CDKL1: variants seen among roughly 807,000 people sequenced by gnomAD.
CDKL1 encodes the protein cyclin dependent kinase like 1.
In CDKL1, 41 loss-of-function variants were observed where a neutral mutation model predicts 42.0. That is an observed-to-expected ratio of 0.98 (90% confidence interval 0.76 to 1.27). The LOEUF is 1.27. CDKL1 is among the 50% of genes most tolerant of loss of function. The pLI, the probability that CDKL1 is intolerant of heterozygous loss-of-function variation, is 0.00. For missense variants in CDKL1, 394 were observed against 428.4 expected (o/e 0.92, Z 0.71); for synonymous variants, 153 against 158.6 (o/e 0.96, Z 0.26).
chr14:50,378,851 A>G (rs1401083298), intron 2 of CDKL1, among the ~76,000 whole-genome samples: 2 of 147,012 alleles, frequency 1.4e-5, no homozygotes, highest in African/African-American at 2.5e-5. Context: ...CTGTCAAGAC[A>G]ATCTTTTTTT....
chr14:50,360,518 T>C (rs929570638), intron 2 of CDKL1, among the ~76,000 whole-genome samples: 4 of 152,116 alleles, frequency 2.6e-5, no homozygotes, highest in Non-Finnish European at 4.4e-5. Context: ...AGTGATTCTC[T>C]TGCCTCAGCT....
intron 2 of CDKL1, among the ~76,000 whole-genome samples, chr14:50,369,069 G>T (rs2034513839): frequency 1.3e-5 from 2 of 151,860 alleles, no homozygotes; most frequent in South Asian, 4.2e-4. Flanking sequence ...GTTTCACCAT[G>T]TTGGCCAGGC....
At chr14:50,344,902 G>T in intron 4 of CDKL1, 84 bp downstream of exon 4, 1 of 1,171,028 alleles carries the variant, frequency 8.5e-7, no homozygotes, top group Non-Finnish European at 1.2e-6. Context: ...TTTACCCACA[G>T]AAGTGTGACA....
intron 2 of CDKL1, among the ~76,000 whole-genome samples, chr14:50,379,694 C>A (rs567690413): frequency 1.3e-5 from 2 of 152,194 alleles, no homozygotes; most frequent in African/African-American, 4.8e-5. Context: ...ACTTGCATTG[C>A]CAGAAGAAAC....
At chr14:50,397,031 C>T (rs1453037943), upstream of CDKL1, 4 of 1,258,608 alleles carry the variant, frequency 3.2e-6, no homozygotes, top group Non-Finnish European at 4.2e-6. Flanking sequence ...CGGAGGGCCG[C>T]CCTCCGTCCA....
At chr14:50,367,789 C>T (rs1002048400) in intron 2 of CDKL1, among the ~76,000 whole-genome samples, 2 of 152,146 alleles carry the variant, frequency 1.3e-5, no homozygotes, top group African/African-American at 4.8e-5. Flanking sequence ...CTTGGTGCTC[C>T]TTACCAGGCC....
intron 2 of CDKL1, among the ~76,000 whole-genome samples, chr14:50,386,878 C>A (rs117829263): frequency 1.3e-5 from 2 of 151,624 alleles, no homozygotes; most frequent in Admixed American, 1.3e-4. Flanking sequence ...AACACAAAAA[C>A]CAGCCAGGTG....
At chr14:50,380,958 T>A (rs10162313) in intron 2 of CDKL1, among the ~76,000 whole-genome samples, 1 of 152,122 alleles carries the variant, frequency 6.6e-6, no homozygotes, top group East Asian at 1.9e-4. Context: ...GGCACCACCA[T>A]GCCCAGCTGT....
intron 8 of CDKL1, chr14:50,332,843 C>T (rs1006063824): frequency 1.9e-6 from 1 of 538,022 alleles, no homozygotes; most frequent in South Asian, 2.6e-5. Flanking sequence ...ACAGTTAATA[C>T]AGCATACAGC....
At position 50,330,038 on chromosome 14, in the gene CDKL1, T is replaced by C. The variant is rs763096694; in HGVS notation, c.*36A>G. 1.6e-5 allele frequency: 25 copies of C among 1,598,044 alleles called. No individual in the cohort carries two copies. The highest frequency in any genetic ancestry group is 5.4e-5 in the African/African-American group (4 of 73,774). ...AGTTTTATTTTCTTCAAAGCATCTA[T>C]TGATTCCTTTTTTAAAATCATGTCT... On this transcript the variant is annotated 3_prime_UTR_variant, in exon 10 of 10. Transcript: ENST00000395834.
At chr14:50,340,942 C>T (rs910605365) in intron 6 of CDKL1, 90 bp downstream of exon 6, 3 of 1,379,148 alleles carry the variant, frequency 2.2e-6, no homozygotes, top group Admixed American at 3.9e-5. Context: ...CCTTAAAGGG[C>T]ATTAGGTGAG....
intron 7 of CDKL1, chr14:50,336,288 A>T: frequency 8.2e-7 from 1 of 1,220,884 alleles, no homozygotes; most frequent in Non-Finnish European, 1.1e-6. Flanking sequence ...TCAACAGGAA[A>T]TCTGCAGGAC....
intron 5 of CDKL1, among the ~76,000 whole-genome samples, chr14:50,341,462 G>C (rs987890930): frequency 1.2e-4 from 17 of 138,250 alleles, no homozygotes; most frequent in East Asian, 4.0e-4. Context: ...GGTCTGGGGG[G>C]GGGGGGGGGG....
chr14:50,354,169 G>T (rs1038427654), intron 3 of CDKL1, among the ~76,000 whole-genome samples: 1 of 152,040 alleles, frequency 6.6e-6, no homozygotes, highest in Non-Finnish European at 1.5e-5. Flanking sequence ...TGGCCAGGCT[G>T]GTCTTGAACT....
chr14:50,331,455 G>A (rs1446269548), intron 9 of CDKL1: 2 of 153,484 alleles, frequency 1.3e-5, no homozygotes, highest in African/African-American at 4.8e-5. Flanking sequence ...GGGCCCTGGA[G>A]TTCATGCTGT....
At chr14:50,335,196 T>C (rs773758553) in intron 7 of CDKL1, among the ~76,000 whole-genome samples, 7 of 145,022 alleles carry the variant, frequency 4.8e-5, no homozygotes, top group Admixed American at 1.5e-4. Flanking sequence ...CTTGGGAGGC[T>C]AAGGCGGGAG....
At chr14:50,393,078 G>T (rs953201567) in intron 2 of CDKL1, among the ~76,000 whole-genome samples, 9 of 152,168 alleles carry the variant, frequency 5.9e-5, no homozygotes, top group African/African-American at 2.2e-4. Flanking sequence ...TCAATATAGG[G>T]TGCTTTCTAC....
intron 2 of CDKL1, among the ~76,000 whole-genome samples, chr14:50,386,081 G>A (rs2035072559): frequency 6.6e-6 from 1 of 151,890 alleles, no homozygotes; most frequent in Non-Finnish European, 1.5e-5. Flanking sequence ...AGATGGCTCA[G>A]CCAAAAAAGT....
chr14:50,377,601 A>G, intron 2 of CDKL1: 1 of 1,358,200 alleles, frequency 7.4e-7, no homozygotes, highest in Non-Finnish European at 9.8e-7. Flanking sequence ...TCAATCATGG[A>G]GCAGATGGCA....
Sources: gnomAD v4.1 joint callset for allele counts (sites outside exome capture counted in the v4.1 genomes callset) on GRCh38, gnomAD v4.1.1 for gene constraint, MANE v1.5 for transcripts, NCBI Gene and HGNC (gene_info 2026-07-23, HGNC 2026-07-21) for gene names.